Variants in PTPRA observed in about 807,000 individuals in gnomAD.
PTPRA encodes the protein receptor-type tyrosine-protein phosphatase alpha.
Under a neutral mutation model 104.8 loss-of-function variants are expected in PTPRA, and 25 were observed. The observed-to-expected ratio is 0.24, with a 90% CI of 0.17 to 0.33. PTPRA has a LOEUF of 0.33. Among genes scored for constraint, PTPRA ranks in the 10% least tolerant of loss-of-function variants. The pLI, the probability that PTPRA is intolerant of heterozygous loss-of-function variation, is 1.00. For synonymous variants in PTPRA, 323 were observed against 368.9 expected (o/e 0.88, Z 1.43); for missense variants, 765 against 1,015.3 (o/e 0.75, Z 3.35).
In PTPRA at chr20:3,038,259, A is replaced by C. The variant is rs1470315382; in HGVS notation, c.*126A>C. 1.2e-6 allele frequency: 1 copy of C among 858,486 alleles called. No homozygotes were observed. Among genetic ancestry groups the C allele is most frequent in the African/African-American group, 1.7e-5 (1 of 58,508 alleles). The allele number at this position is 858,486 out of a possible 1,614,324, so 53.2% of individuals were successfully genotyped here. A position where few individuals can be genotyped will look rare whatever the true frequency, so the allele number is the denominator to read the frequency against. The stretch of plus-strand genomic sequence containing the variant: ...TTTAGAAATTGGTACATAGGCTTCT[A>C]TTACCTATTAGGTGGAAATTTTATA... On this transcript the variant is annotated 3_prime_UTR_variant, in exon 24 of 24. Transcript: ENST00000399903.
intron 2 of PTPRA, among the ~76,000 whole-genome samples, chr20:2,939,247 A>T (rs1480873690): frequency 6.6e-6 from 1 of 152,228 alleles, no homozygotes; most frequent in Non-Finnish European, 1.5e-5. Flanking sequence ...TCATACACAG[A>T]TTCAGAGAAT....
chr20:2,885,085 G>A (rs972351659), intron 1 of PTPRA, among the ~76,000 whole-genome samples: 1 of 152,204 alleles, frequency 6.6e-6, no homozygotes, highest in South Asian at 2.1e-4. Context: ...ACAGGCACAA[G>A]CCACTGCGCC....
intron 1 of PTPRA, among the ~76,000 whole-genome samples, chr20:2,886,465 T>C (rs2090390544): frequency 6.6e-6 from 1 of 152,140 alleles, no homozygotes; most frequent in African/African-American, 2.4e-5. Context: ...CTGTTGTATA[T>C]GTTTGAGAAT....
At position 2,917,218 on chromosome 20, in the gene PTPRA, A is replaced by G. The variant is rs1600109042; in HGVS notation, c.-128-5989A>G. On this transcript the variant is annotated intron_variant, in intron 1 of 23. Coordinates refer to ENST00000399903, the MANE Select transcript of PTPRA (RefSeq NM_001385305.1). Reference sequence around the variant, plus strand: ...AGTGATCCGCCGGCCTCGGCCTCCCAAAGTGCTGGGATTACAGACATGAAA... The same window carrying G: ...AGTGATCCGCCGGCCTCGGCCTCCCGAAGTGCTGGGATTACAGACATGAAA... Among the ~76,000 whole-genome samples the G allele has an allele frequency of 2.6e-5, 4 of 152,240 alleles. No individual in the cohort carries two copies. In the South Asian group the frequency reaches 8.3e-4, roughly 32 times the overall value.
chr20:2,878,995 G>A (rs150028697), intron 1 of PTPRA, among the ~76,000 whole-genome samples: 2,132 of 152,344 alleles, frequency 0.014, 59 homozygotes, highest in African/African-American at 0.048. Flanking sequence ...AAGGCTAGAT[G>A]CTGTTCAGTT....
At chr20:3,019,278 G>A (rs1452152927) in intron 13 of PTPRA, among the ~76,000 whole-genome samples, 3 of 151,346 alleles carry the variant, frequency 2.0e-5, no homozygotes, top group Admixed American at 6.6e-5. Context: ...CCTCCCGGAC[G>A]AGGTGGCTGC....
chr20:2,980,823 A>T (rs1238670914), intron 6 of PTPRA, among the ~76,000 whole-genome samples: 1 of 152,132 alleles, frequency 6.6e-6, no homozygotes, highest in Non-Finnish European at 1.5e-5. Flanking sequence ...GCTCTGTTTG[A>T]GCTATGCCCT....
At position 2,964,185 on chromosome 20, in the gene PTPRA, G is replaced by T; in HGVS notation, c.-6-87G>T. ...GTTTAGGCACACATTTTAATAGCTT[G>T]GAAATCCAGAATACTCTTCTGGTGA... On this transcript the variant is annotated intron_variant, in intron 3 of 23. Transcript: ENST00000399903. The T allele has an allele frequency of 8.1e-6, 9 of 1,115,942 alleles. No homozygotes were observed. The South Asian group carries it at 1.3e-4, about 16-fold the overall frequency. 69.1% of individuals were successfully genotyped at this position (1,115,942 alleles called of 1,614,324 possible). A position where few individuals can be genotyped will look rare whatever the true frequency, so the allele number is the denominator to read the frequency against.
intron 6 of PTPRA, among the ~76,000 whole-genome samples, chr20:2,984,944 C>G (rs373746443): frequency 4.3e-4 from 65 of 152,348 alleles, no homozygotes; most frequent in African/African-American, 1.5e-3. Flanking sequence ...TCTCTCTCCC[C>G]ACCCTGCTTT....
Position 3,027,176 on chromosome 20 carries a change from T to C in PTPRA, c.1764T>C (p.Tyr588=). The change falls in exon 19 of 24, where the codon TAT becomes TAC. Residue 588 remains tyrosine (Y), a synonymous_variant. Transcript: ENST00000399903. The stretch of plus-strand genomic sequence containing the variant: ...AGCGGGGCGAAGAGAATACAGACTA[T>C]GTGAACGCATCCTTTATTGATGTAA... The part of the protein sequence containing the change: ...PVKRGEENTD[Y]VNASFIDGYR... 6.2e-7 allele frequency: 1 copy of C among 1,614,138 alleles called. No individual in the cohort carries two copies. Among genetic ancestry groups the C allele is most frequent in the Non-Finnish European group, 8.5e-7 (1 of 1,179,952 alleles).
At chr20:2,949,043 A>G (rs76179312) in intron 3 of PTPRA, among the ~76,000 whole-genome samples, 2,343 of 152,150 alleles carry the variant, frequency 0.015, 26 homozygotes, top group Non-Finnish European at 0.025. Flanking sequence ...TTATGGGGAA[A>G]TCTTTAAGAT....
rs1054523954 is a variant in PTPRA, at chr20:2,939,127, CAGTCT to C, written c.-49-8854_-49-8850del. ...CTTATGGTCTGTGCTACCGAAAGGC[CAGTCT>C]GAAATTTAGGTGTTATTCCGGAGCA... On this transcript the variant is annotated intron_variant, in intron 2 of 23. Transcript: ENST00000399903. 1.4e-3 allele frequency among the ~76,000 whole-genome samples: 208 copies of C among 152,300 alleles called. 1 individual carries two copies. Among genetic ancestry groups the C allele is most frequent in the African/African-American group, 4.7e-3 (195 of 41,562 alleles).
chr20:2,969,335 C>A (rs1396274979), intron 5 of PTPRA, among the ~76,000 whole-genome samples: 1 of 151,628 alleles, frequency 6.6e-6, no homozygotes. Context: ...GCAAACTCTG[C>A]CTTCAGGGTT....
intron 2 of PTPRA, among the ~76,000 whole-genome samples, chr20:2,945,286 C>G (rs1212309882): frequency 6.6e-6 from 1 of 152,126 alleles, no homozygotes; most frequent in East Asian, 1.9e-4. Flanking sequence ...ATGGACTAGA[C>G]ACTGTAGTTT....
rs2059729295 is a variant in PTPRA at position 2,911,749 on chromosome 20, T to A, written c.-128-11458T>A. On this transcript the variant is annotated intron_variant, in intron 1 of 23. Transcript: ENST00000399903. ...AGAGAAAGTGACTATGGGATCTAACTATGTAAGAGCAGGGTGGGAGTATGG... is the reference window on the plus strand; with the variant it reads ...AGAGAAAGTGACTATGGGATCTAACAATGTAAGAGCAGGGTGGGAGTATGG... 2.6e-5 allele frequency among the ~76,000 whole-genome samples: 4 copies of A among 152,038 alleles called. No homozygotes were observed. The South Asian group carries it at 8.3e-4, about 32-fold the overall frequency.
At position 2,988,094 on chromosome 20, in the gene PTPRA, C is replaced by G; in HGVS notation, c.590C>G (p.Thr197Ser). 1 of 1,585,396 alleles carries G rather than the reference C, an allele frequency of 6.3e-7. No individual in the cohort carries two copies. The highest frequency in any genetic ancestry group is 8.7e-7 in the Non-Finnish European group (1 of 1,153,854). The change falls in exon 8 of 24, where the codon ACT becomes AGT. Residue 197 changes from threonine (T) to serine (S), a missense_variant. This residue lies in a region of PTPRA where 256 missense variants were observed against 248.9 expected (regional missense o/e 1.03). Coordinates refer to ENST00000399903, the MANE Select transcript of PTPRA (RefSeq NM_001385305.1). The stretch of plus-strand genomic sequence containing the variant: ...TCTTTCCGCTTATCCAACGGCCGCA[C>G]TGAGGATGTGGGTAAGGCATTCCTT... ...SNSFRLSNGR[T>S]EDVEPQSVPL...
At chr20:2,878,082 C>G (rs1011142079) in intron 1 of PTPRA, among the ~76,000 whole-genome samples, 1 of 151,978 alleles carries the variant, frequency 6.6e-6, no homozygotes, top group Non-Finnish European at 1.5e-5. Flanking sequence ...ACCCAGGAGG[C>G]GGAAGTTGCA....
chr20:3,010,934 G>A (rs1453071251), intron 11 of PTPRA, among the ~76,000 whole-genome samples: 1 of 152,242 alleles, frequency 6.6e-6, no homozygotes, highest in Non-Finnish European at 1.5e-5. Context: ...AGAAGAAAGG[G>A]AGGAATGGAT....
chr20:2,916,051 G>GT (rs1266762368), intron 1 of PTPRA, among the ~76,000 whole-genome samples: 1 of 151,926 alleles, frequency 6.6e-6, no homozygotes, highest in Non-Finnish European at 1.5e-5. Flanking sequence ...GTTTTGTTTT[G>GT]TTTTTTGAGA....
Sources: allele counts gnomAD v4.1 joint callset (sites outside exome capture counted in the v4.1 genomes callset), GRCh38; gene constraint gnomAD v4.1.1; regional missense constraint gnomAD v4.1.1; transcripts MANE v1.5; gene names NCBI Gene and HGNC (gene_info 2026-07-23, HGNC 2026-07-21).